Variants in KIF3C observed in about 807,000 individuals in gnomAD.
KIF3C encodes kinesin-like protein KIF3C.
Under a neutral mutation model 67.7 loss-of-function variants are expected in KIF3C, and 12 were observed. That is an observed-to-expected ratio of 0.18 (90% CI 0.11 to 0.29). The LOEUF (loss-of-function observed/expected upper bound fraction) is 0.29. KIF3C is among the 10% of genes least tolerant of loss of function. The pLI, the probability that KIF3C is intolerant of heterozygous loss-of-function variation, is 1.00. For missense variants in KIF3C, 789 were observed against 1,059.6 expected (o/e 0.74, Z 3.55); for synonymous variants, 393 against 426.2 (o/e 0.92, Z 0.96).
At chr2:25,961,167 A>G (rs1343854382) in intron 1 of KIF3C, among the ~76,000 whole-genome samples, 1 of 152,224 alleles carries the variant, frequency 6.6e-6, no homozygotes, top group Non-Finnish European at 1.5e-5. Flanking sequence ...GGGGAAGCCA[A>G]TGACCAGAAC....
Position 25,981,992 on chromosome 2 carries a change from G to A in KIF3C, c.-75C>T. ...TCCTGCTATCCTGCTCGCTAGGTCG[G>A]GATCAGCGGGGCCGGCCCAGCCCCC... is the stretch of plus-strand genomic sequence containing the variant. On this transcript the variant is annotated 5_prime_UTR_variant, in exon 1 of 8. Transcript: ENST00000264712. The surrounding 1 kb of genome is among the most constrained non-coding windows in gnomAD (Gnocchi z 8.2). 8.0e-7 allele frequency: 1 copy of A among 1,249,504 alleles called. No homozygotes were observed. Among genetic ancestry groups the A allele is most frequent in the African/African-American group, 1.5e-5 (1 of 66,728 alleles). 77.4% of individuals were successfully genotyped at this position (1,249,504 alleles called of 1,614,324 possible).
intron 5 of KIF3C, among the ~76,000 whole-genome samples, chr2:25,936,758 C>A (rs577287569): frequency 5.9e-5 from 9 of 152,092 alleles, no homozygotes; most frequent in Non-Finnish European, 1.2e-4. Context: ...TGGTCTACAT[C>A]CTAGAGAGCT....
At chr2:25,963,358 C>G (rs1664057253) in intron 1 of KIF3C, among the ~76,000 whole-genome samples, 1 of 149,504 alleles carries the variant, frequency 6.7e-6, no homozygotes, top group African/African-American at 2.5e-5. Flanking sequence ...AGGCACCCAC[C>G]ACCACGCCTG....
intron 1 of KIF3C, among the ~76,000 whole-genome samples, chr2:25,957,615 G>C (rs1207682267): frequency 6.6e-6 from 1 of 152,182 alleles, no homozygotes; most frequent in African/African-American, 2.4e-5. Context: ...AGTGGAAACA[G>C]CTGACCTACC....
chr2:25,929,334 G>A lies in KIF3C; in HGVS notation c.2259C>T (p.Ser753=). The change falls in exon 7 of 8, where the codon TCC becomes TCT. Residue 753 remains serine, a synonymous_variant. Transcript: ENST00000264712. ...MRLDSFLERP[S]TSKVRKSRSW... The stretch of plus-strand genomic sequence containing the variant: ...ATCTGGACTTTCGGACTTTAGACGT[G>A]GAAGGTCTTTCCAGAAAGCTGTCCA... 1 of 1,614,128 alleles carries A rather than the reference G, an allele frequency of 6.2e-7. No individual in the cohort carries two copies.
At chr2:25,970,758 A>G (rs1007985557) in intron 1 of KIF3C, among the ~76,000 whole-genome samples, 3 of 150,456 alleles carry the variant, frequency 2.0e-5, no homozygotes, top group Non-Finnish European at 4.4e-5. Flanking sequence ...TATTACCACC[A>G]CTGTTGTTAT....
intron 4 of KIF3C, among the ~76,000 whole-genome samples, chr2:25,953,561 C>T (rs887912334): frequency 2.4e-4 from 37 of 151,960 alleles, no homozygotes; most frequent in African/African-American, 7.7e-4. Context: ...GGAGTTTCTC[C>T]GTGTTAGCCA....
chr2:25,962,671 C>G (rs1663978313), intron 1 of KIF3C, among the ~76,000 whole-genome samples: 1 of 143,570 alleles, frequency 7.0e-6, no homozygotes, highest in Admixed American at 8.0e-5. Flanking sequence ...GCCACTGTGC[C>G]TGGCCCTTTT....
rs1405314857 is a variant in KIF3C, at chr2:25,951,855, A to G, written c.1940T>C (p.Met647Thr). 4.3e-6 allele frequency: 7 copies of G among 1,613,970 alleles called. No individual in the cohort carries two copies. The highest frequency in any genetic ancestry group is 1.1e-5 in the South Asian group (1 of 91,088). The change falls in exon 5 of 8, where the codon ATG becomes ACG. Residue 647 changes from methionine to threonine, a missense_variant. Coordinates refer to ENST00000264712, the MANE Select transcript of KIF3C (RefSeq NM_002254.8). Reference sequence around the variant, plus strand: ...CTCACAGTCCAGGAAAAGCCGGTTCATGATCTTGTTCTTCTCCTCCGGCGG... The same window carrying G: ...CTCACAGTCCAGGAAAAGCCGGTTCGTGATCTTGTTCTTCTCCTCCGGCGG... ...FIPPEEKNKI[M>T]NRLFLDCEEE...
intron 5 of KIF3C, chr2:25,951,234 A>G (rs6546642): frequency 0.2 from 29,848 of 152,922 alleles, 3,444 homozygotes; most frequent in African/African-American, 0.32. Flanking sequence ...GCACCCAAGG[A>G]CTAGGACATG....
At chr2:25,933,932 A>T (rs912869301) in intron 5 of KIF3C, 19 of 319,528 alleles carry the variant, frequency 5.9e-5, no homozygotes, top group Non-Finnish European at 1.1e-4. Flanking sequence ...TCATAGCAGC[A>T]TTATTTATAA....
chr2:25,964,416 G>T (rs1664091043), intron 1 of KIF3C, among the ~76,000 whole-genome samples: 1 of 152,122 alleles, frequency 6.6e-6, no homozygotes, highest in African/African-American at 2.4e-5. Context: ...GGAGGCCTGA[G>T]CTTTCCTTTC....
chr2:25,979,793 T>C (rs982578306), intron 1 of KIF3C, among the ~76,000 whole-genome samples: 6 of 152,138 alleles, frequency 3.9e-5, no homozygotes, highest in African/African-American at 9.7e-5. Context: ...TGCCACTTCA[T>C]AGGATGGAAC....
Position 25,955,701 on chromosome 2 carries a change from T to C in KIF3C, c.1648-38A>G, listed in dbSNP as rs766121574. The C allele has an allele frequency of 1.2e-6, 2 of 1,610,320 alleles. No homozygotes were observed. The highest frequency in any genetic ancestry group is 1.7e-6 in the Non-Finnish European group (2 of 1,177,272). On this transcript the variant is annotated intron_variant, in intron 2 of 7. Transcript: ENST00000264712. The surrounding 1 kb of genome is among the most constrained non-coding windows in gnomAD (Gnocchi z 5.0). ...CGGGCAGTGTGGCTCAAAGGAGCAG[T>C]GCATACTCGGGAGGGCCAGGAAAGC... is the stretch of plus-strand genomic sequence containing the variant.
In KIF3C at chr2:25,930,018, G is replaced by A; in HGVS notation, c.2052C>T (p.Tyr684=). The part of the protein sequence containing the change: ...MKKRPTSAVG[Y]KRPISQYARV... ...GAGCATACTGGCTGATAGGCCTCTT[G>A]TAGCCCACTGCAGATGTTGGCCGCT... The change falls in exon 6 of 8, where the codon TAC becomes TAT. Residue 684 remains tyrosine (Y), a synonymous_variant. Transcript: ENST00000264712. The A allele has an allele frequency of 6.2e-7, 1 of 1,614,166 alleles. No homozygotes were observed. The highest frequency in any genetic ancestry group is 1.1e-5 in the South Asian group (1 of 91,080).
chr2:25,934,244 C>A (rs1559547707), intron 5 of KIF3C: 4 of 460,388 alleles, frequency 8.7e-6, no homozygotes, highest in Non-Finnish European at 1.8e-5. Context: ...TGAGGAGTAA[C>A]TGCTAATTGG....
chr2:25,976,271 A>C (rs1455228621), intron 1 of KIF3C, among the ~76,000 whole-genome samples: 1 of 151,938 alleles, frequency 6.6e-6, no homozygotes, highest in Non-Finnish European at 1.5e-5. Flanking sequence ...TTCTACATTC[A>C]CCACAGAGAG....
chr2:25,972,219 G>A (rs1341765879), intron 1 of KIF3C, among the ~76,000 whole-genome samples: 2 of 152,050 alleles, frequency 1.3e-5, no homozygotes, highest in Non-Finnish European at 2.9e-5. Flanking sequence ...GTGCTCTGCG[G>A]AGGCTGGAAA....
Position 25,955,755 on chromosome 2 carries a change from C to A in KIF3C, c.1648-92G>T. The stretch of plus-strand genomic sequence containing the variant: ...GGGGACTGGCTCACTCTGCCTGTCT[C>A]GGGACCTGGCTTCACCATGGCCCAT... On this transcript the variant is annotated intron_variant, in intron 2 of 7. Coordinates refer to ENST00000264712, the MANE Select transcript of KIF3C (RefSeq NM_002254.8). This position sits in a 1 kb window ranked among gnomAD's most constrained non-coding sequence, Gnocchi z 5.0. 6.8e-7 allele frequency: 1 copy of A among 1,479,766 alleles called. No homozygotes were observed. The highest frequency in any genetic ancestry group is 1.8e-5 in the Admixed American group (1 of 55,858). The allele number at this position is 1,479,766 out of a possible 1,614,324, so 91.7% of individuals were successfully genotyped here.
Sources: gnomAD v4.1 joint callset for allele counts (sites outside exome capture counted in the v4.1 genomes callset) on GRCh38, gnomAD v4.1.1 for gene constraint, Gnocchi (gnomAD v3.1) non-coding constraint, MANE v1.5 for transcripts, NCBI Gene and HGNC (gene_info 2026-07-23, HGNC 2026-07-21) for gene names.